Variants in CUL5 observed in about 807,000 individuals in gnomAD.
CUL5 encodes cullin-5.
Under a neutral mutation model 108.8 loss-of-function variants are expected in CUL5, and 26 were observed. That is an observed-to-expected ratio of 0.24 (90% confidence interval 0.18 to 0.33). The LOEUF (loss-of-function observed/expected upper bound fraction) is 0.33, where lower values mean the gene tolerates loss of function less well. Ranked by LOEUF, CUL5 falls within the 10% of genes least tolerant of loss-of-function variation. CUL5 has a pLI of 1.00. For missense variants in CUL5, 524 were observed against 909.2 expected, an observed-to-expected ratio of 0.58 and a Z score of 5.45; for synonymous variants, 334 against 298.0, an observed-to-expected ratio of 1.12 and a Z score of -1.25.
chr11:108,012,563 G>T, intron 1 of CUL5, among the ~76,000 whole-genome samples: 1 of 138,786 alleles, frequency 7.2e-6, no homozygotes, highest in African/African-American at 2.7e-5. Context: ...TTTCTCCTAT[G>T]CCTATAAGAA....
chr11:108,099,802 A>T (rs527795642), intron 18 of CUL5, among the ~76,000 whole-genome samples: 1 of 152,144 alleles, frequency 6.6e-6, no homozygotes, highest in Non-Finnish European at 1.5e-5. Flanking sequence ...AGGTTTTCAT[A>T]TAAATGGAAC....
chr11:108,009,867 AC>A (rs921885870), intron 1 of CUL5, among the ~76,000 whole-genome samples: 4 of 150,682 alleles, frequency 2.7e-5, no homozygotes, highest in Admixed American at 6.6e-5. Flanking sequence ...CTCCCACTCC[AC>A]CCCCCTTCCT....
chr11:108,064,196 C>T (rs762795721), intron 7 of CUL5, among the ~76,000 whole-genome samples: 7 of 152,228 alleles, frequency 4.6e-5, no homozygotes, highest in Non-Finnish European at 2.9e-5. Flanking sequence ...GAGGTATGTT[C>T]GTTCTATACC....
intron 1 of CUL5, among the ~76,000 whole-genome samples, chr11:108,010,372 C>T (rs1033019450): frequency 2.6e-5 from 4 of 152,192 alleles, no homozygotes; most frequent in African/African-American, 9.7e-5. Flanking sequence ...TATACAGGAA[C>T]CTAACCATCA....
chr11:108,075,239 C>T (rs1295204587), intron 10 of CUL5, among the ~76,000 whole-genome samples: 1 of 150,728 alleles, frequency 6.6e-6, no homozygotes, highest in Non-Finnish European at 1.5e-5. Context: ...AATGCAGGGA[C>T]GATAGCGTGG....
At chr11:108,071,166 T>G (rs1188505329) in intron 8 of CUL5, among the ~76,000 whole-genome samples, 1 of 152,242 alleles carries the variant, frequency 6.6e-6, no homozygotes, top group Non-Finnish European at 1.5e-5. Flanking sequence ...TTTTTTACCT[T>G]TTGATGATAT....
At chr11:108,028,805 T>C (rs1862508901) in intron 1 of CUL5, among the ~76,000 whole-genome samples, 1 of 152,050 alleles carries the variant, frequency 6.6e-6, no homozygotes, top group Non-Finnish European at 1.5e-5. Context: ...GCCTGGGCAG[T>C]AGAGTAAGAC....
rs961612290 is a variant in CUL5, at chr11:108,096,652, C to T, written c.1905+961C>T. On this transcript the variant is annotated intron_variant, in intron 16 of 18. Coordinates refer to ENST00000393094, the MANE Select transcript of CUL5 (RefSeq NM_003478.6). ...CGCAATCTCAGCTCACTGCAACCTCCGCCTCCAGGGTTTAAGCGATTCTCC... is the reference window on the plus strand; with the variant it reads ...CGCAATCTCAGCTCACTGCAACCTCTGCCTCCAGGGTTTAAGCGATTCTCC... Among the ~76,000 whole-genome samples the T allele has an allele frequency of 1.0e-4, 15 of 149,024 alleles. 1 individual carries two copies. In the East Asian group the frequency reaches 2.6e-3, roughly 25 times the overall value.
intron 2 of CUL5, among the ~76,000 whole-genome samples, chr11:108,034,694 C>G (rs1049589208): frequency 6.6e-5 from 10 of 152,156 alleles, no homozygotes; most frequent in African/African-American, 1.9e-4. Flanking sequence ...TTAATGTCCT[C>G]CTCCTCCGCT....
chr11:108,067,013 A>T (rs1279060160), intron 7 of CUL5, among the ~76,000 whole-genome samples: 1 of 152,206 alleles, frequency 6.6e-6, no homozygotes, highest in Non-Finnish European at 1.5e-5. Context: ...TACATGCTCT[A>T]CTTCTGTAGT....
At chr11:108,095,959 G>A (rs1221676415) in intron 16 of CUL5, among the ~76,000 whole-genome samples, 1 of 151,526 alleles carries the variant, frequency 6.6e-6, no homozygotes, top group Non-Finnish European at 1.5e-5. Flanking sequence ...AGCTGGGCGT[G>A]GTGGTGGGCG....
intron 8 of CUL5, among the ~76,000 whole-genome samples, chr11:108,071,324 G>A (rs10890805): frequency 0.57 from 87,268 of 151,912 alleles, 27,199 homozygotes; most frequent in East Asian, 0.9. Context: ...TCGATGGCAC[G>A]ATCACAATTC....
chr11:108,053,187 T>C (rs1388838690), intron 5 of CUL5, among the ~76,000 whole-genome samples: 1 of 152,202 alleles, frequency 6.6e-6, no homozygotes, highest in East Asian at 1.9e-4. Flanking sequence ...TTCTAATTTG[T>C]TTCCTGTGAC....
At chr11:108,028,899 G>A (rs560111843) in intron 1 of CUL5, among the ~76,000 whole-genome samples, 1 of 152,212 alleles carries the variant, frequency 6.6e-6, no homozygotes, top group African/African-American at 2.4e-5. Flanking sequence ...CTCACTTATA[G>A]TAGAAACCAA....
At chr11:108,076,752 G>GATTACATT (rs1863950914) in intron 10 of CUL5, among the ~76,000 whole-genome samples, 1 of 152,172 alleles carries the variant, frequency 6.6e-6, no homozygotes, top group Non-Finnish European at 1.5e-5. Flanking sequence ...CTGGGATTAT[G>GATTACATT]ATTACATTAT....
intron 1 of CUL5, among the ~76,000 whole-genome samples, chr11:108,017,239 A>G (rs746467613): frequency 6.6e-6 from 1 of 151,994 alleles, no homozygotes; most frequent in Non-Finnish European, 1.5e-5. Context: ...AATAAAAAAT[A>G]AATACCTGGG....
intron 3 of CUL5, among the ~76,000 whole-genome samples, chr11:108,046,806 ACT>A (rs1863079622): frequency 6.6e-6 from 1 of 152,132 alleles, no homozygotes; most frequent in South Asian, 2.1e-4. Flanking sequence ...GAAATTCAGC[ACT>A]CTTACATTGC....
intron 10 of CUL5, among the ~76,000 whole-genome samples, chr11:108,074,309 C>G (rs1028948365): frequency 6.6e-6 from 1 of 151,188 alleles, no homozygotes; most frequent in South Asian, 2.1e-4. Context: ...ATTCTCCTGC[C>G]TCAGCCTCTC....
Position 108,091,732 on chromosome 11 carries a change from C to CACACACAT in CUL5, c.1443+2109_1443+2110insACACACAT, listed in dbSNP as rs1555024090. The stretch of plus-strand genomic sequence containing the variant: ...ACACACACACACACACACACACACA[C>CACACACAT]GACAAATAATTAAAAGCAGGCAAAG... On this transcript the variant is annotated intron_variant, in intron 13 of 18. Transcript: ENST00000393094. Among the ~76,000 whole-genome samples the CACACACAT allele has an allele frequency of 1.3e-4, 20 of 149,926 alleles. 1 individual carries two copies. The highest frequency in any genetic ancestry group is 3.9e-4 in the African/African-American group (16 of 40,640).
Sources: gnomAD v4.1 joint callset for allele counts (sites outside exome capture counted in the v4.1 genomes callset) on GRCh38, gnomAD v4.1.1 for gene constraint, MANE v1.5 for transcripts, NCBI Gene and HGNC (gene_info 2026-07-23, HGNC 2026-07-21) for gene names.